The following TMED9 variants were observed in gnomAD, a reference collection of about 807,000 sequenced individuals.
The protein encoded by TMED9 is transmembrane p24 trafficking protein 9.
A neutral mutation model predicts 30.6 loss-of-function variants in TMED9; 22 were observed. The observed-to-expected ratio is 0.72, with a 90% CI of 0.51 to 1.03. TMED9 has a LOEUF of 1.03. Among genes scored for constraint, TMED9 ranks in the 50% least tolerant of loss-of-function variants. TMED9 has a pLI of 0.00. For synonymous variants in TMED9, 146 were observed against 122.8 expected, an observed-to-expected ratio of 1.19 and a Z score of -1.25; for missense variants, 251 against 302.1, an observed-to-expected ratio of 0.83 and a Z score of 1.25.
chr5:177,592,224 G>T lies in TMED9; in HGVS notation c.10G>T (p.Glu4Ter). The T allele has an allele frequency of 1.2e-6, 2 of 1,605,266 alleles. No homozygotes were observed. Among genetic ancestry groups the T allele is most frequent in the East Asian group, 2.3e-5 (1 of 44,338 alleles). The change falls in exon 1 of 5, where the codon GAG becomes TAG. Residue 4 changes from glutamate to a stop codon, truncating the protein, a stop_gained. Coordinates refer to ENST00000332598, the MANE Select transcript of TMED9 (RefSeq NM_017510.6). LOFTEE classifies it high-confidence loss of function. The part of the protein sequence containing the change: MAV[E>*]LGVLLVRPRP... ...AGGCAGGTGGAGCAAGATGGCTGTGGAGCTGGGCGTGCTGCTCGTCCGGCC... is the reference window on the plus strand; with the variant it reads ...AGGCAGGTGGAGCAAGATGGCTGTGTAGCTGGGCGTGCTGCTCGTCCGGCC...
At chr5:177,592,508 C>G in intron 1 of TMED9, 67 bp from the exon 2 acceptor site, 1 of 1,565,270 alleles carries the variant, frequency 6.4e-7, no homozygotes, top group South Asian at 1.2e-5. Flanking sequence ...CTCGCCGTGC[C>G]CAGGCGGTCG....
rs1236244550 is a variant in TMED9 at position 177,595,279 on chromosome 5, C to T, written c.571C>T (p.Arg191Cys). The T allele has an allele frequency of 2.5e-6, 4 of 1,589,540 alleles. No individual in the cohort carries two copies. Among genetic ancestry groups the T allele is most frequent in the East Asian group, 2.3e-5 (1 of 43,768 alleles). The change falls in exon 5 of 5, where the codon CGC (arginine) becomes TGC (cysteine). Residue 191 changes from arginine (R) to cysteine (C), a missense_variant. Around this residue, in one of 2 missense-constraint regions of TMED9, gnomAD observed 153 missense variants for 239.6 expected, o/e 0.64. Coordinates refer to ENST00000332598, the MANE Select transcript of TMED9 (RefSeq NM_017510.6). Reference protein sequence around the residue: ...EQNYQRWREERFRQTSESTNQ... With the variant: ...EQNYQRWREECFRQTSESTNQ... The stretch of plus-strand genomic sequence containing the variant: ...TATTCCCCTGCAGTGGCGAGAGGAG[C>T]GCTTCCGGCAGACCAGTGAGAGCAC...
Position 177,594,160 on chromosome 5 carries a change from GTAGGTGAACATGCCAA to G in TMED9, c.435_450del (p.Gly146ThrfsTer11). 1 of 1,614,208 alleles carries G rather than the reference GTAGGTGAACATGCCAA, an allele frequency of 6.2e-7. No homozygotes were observed. The highest frequency in any genetic ancestry group is 1.1e-5 in the South Asian group (1 of 91,086). On this transcript the variant is annotated frameshift_variant, in exon 4 of 5. Transcript: ENST00000332598. LOFTEE classifies it high-confidence loss of function. ...TCAGAGAGTTCACCTGGACATCCAG[GTAGGTGAACATGCCAA>G]TGACTATGCAGAAATTGCTGCTAAA...
rs999416255 is a variant in TMED9, at chr5:177,596,418, C to T, written c.*1002C>T. Among the ~76,000 whole-genome samples, 3 of 152,118 alleles carry T rather than the reference C, an allele frequency of 2.0e-5. No individual in the cohort carries two copies. Among genetic ancestry groups the T allele is most frequent in the East Asian group, 3.8e-4 (2 of 5,198 alleles). On this transcript the variant is annotated 3_prime_UTR_variant, in exon 5 of 5. Coordinates refer to ENST00000332598, the MANE Select transcript of TMED9 (RefSeq NM_017510.6). ...TTGTCATGGATGCTGCCAGGAAGTGCCTGGTAAGGAGGTGCATTGAGCAGG... is the reference window on the plus strand; with the variant it reads ...TTGTCATGGATGCTGCCAGGAAGTGTCTGGTAAGGAGGTGCATTGAGCAGG...
chr5:177,595,197 C>A (rs1316701756), intron 4 of TMED9, 70 bp from the exon 5 acceptor site: 8 of 1,448,104 alleles, frequency 5.5e-6, no homozygotes, highest in Non-Finnish European at 6.4e-6. Context: ...CCTTGGGCAT[C>A]CTCTTGGTCT....
rs902463246 is a variant in TMED9, at chr5:177,596,417, G to A, written c.*1001G>A. Among the ~76,000 whole-genome samples the A allele has an allele frequency of 3.9e-5, 6 of 152,206 alleles. No homozygotes were observed. Among genetic ancestry groups the A allele is most frequent in the Non-Finnish European group, 7.3e-5 (5 of 68,036 alleles). On this transcript the variant is annotated 3_prime_UTR_variant, in exon 5 of 5. Coordinates refer to ENST00000332598, the MANE Select transcript of TMED9 (RefSeq NM_017510.6). Reference sequence around the variant, plus strand: ...ATTGTCATGGATGCTGCCAGGAAGTGCCTGGTAAGGAGGTGCATTGAGCAG... The same window carrying A: ...ATTGTCATGGATGCTGCCAGGAAGTACCTGGTAAGGAGGTGCATTGAGCAG...
In TMED9 at chr5:177,594,112, T is replaced by G. The variant is rs370442069; in HGVS notation, c.412-27T>G. 13 of 1,613,218 alleles carry G rather than the reference T, an allele frequency of 8.1e-6. No homozygotes were observed. The African/African-American group carries it at 1.7e-4, about 21-fold the overall frequency. On this transcript the variant is annotated intron_variant, in intron 3 of 4. Transcript: ENST00000332598. ...GAAGATGGAGCAGGGCTACCAGATT[T>G]CCCTTATCTCCTTTGTCTGTCCTCA...
Position 177,596,824 on chromosome 5 carries a change from C to A in TMED9, c.*1408C>A, listed in dbSNP as rs1007760955. Among the ~76,000 whole-genome samples the A allele has an allele frequency of 6.6e-6, 1 of 152,164 alleles. No homozygotes were observed. Among genetic ancestry groups the A allele is most frequent in the Non-Finnish European group, 1.5e-5 (1 of 68,022 alleles). On this transcript the variant is annotated 3_prime_UTR_variant, in exon 5 of 5. Transcript: ENST00000332598. Reference sequence around the variant, plus strand: ...GGGGTAAATGCCTGCCCCCCTCCCTCTGGCCTCTGGGCCCTTTGCAGTAAT... The same window carrying A: ...GGGGTAAATGCCTGCCCCCCTCCCTATGGCCTCTGGGCCCTTTGCAGTAAT...
In TMED9 at chr5:177,592,298, G is replaced by T. The variant is rs752772809; in HGVS notation, c.84G>T (p.Val28=). 6.6e-5 allele frequency: 107 copies of T among 1,609,588 alleles called. No homozygotes were observed. Among genetic ancestry groups the T allele is most frequent in the Non-Finnish European group, 8.6e-5 (101 of 1,178,170 alleles). Residue 28 remains valine (V), a synonymous_variant, in exon 1 of 5, where the codon GTG becomes GTT. Coordinates refer to ENST00000332598, the MANE Select transcript of TMED9 (RefSeq NM_017510.6). ...GAGTGATGCGGACCCTCCTGCTGGTGCTGTGGCTGGCGACGCGCGGAAGCG... is the reference window on the plus strand; with the variant it reads ...GAGTGATGCGGACCCTCCTGCTGGTTCTGTGGCTGGCGACGCGCGGAAGCG... ...LGRVMRTLLL[V]LWLATRGSAL...
Position 177,596,351 on chromosome 5 carries a change from C to T in TMED9, c.*935C>T, listed in dbSNP as rs1356045319. On this transcript the variant is annotated 3_prime_UTR_variant, in exon 5 of 5. Transcript: ENST00000332598. ...ATTTACACCCTTTCCTCTGTGCCAG[C>T]TCCCTGGTGAAGTTCCCTCTTTCTA... 6.6e-6 allele frequency among the ~76,000 whole-genome samples: 1 copy of T among 152,206 alleles called. No individual in the cohort carries two copies. The highest frequency in any genetic ancestry group is 1.5e-5 in the Non-Finnish European group (1 of 68,046).
chr5:177,593,600 C>T (rs1561809641), intron 2 of TMED9, 50 bp from the exon 3 acceptor site: 1 of 1,609,852 alleles, frequency 6.2e-7, no homozygotes, highest in East Asian at 2.2e-5. Context: ...TGTTTTCCTC[C>T]ATTCCCATCC....
rs1767697340 is a variant in TMED9, at chr5:177,596,737, C to T, written c.*1321C>T. Among the ~76,000 whole-genome samples, 3 of 152,156 alleles carry T rather than the reference C, an allele frequency of 2.0e-5. No homozygotes were observed. In the South Asian group the frequency reaches 6.2e-4, roughly 32 times the overall value. On this transcript the variant is annotated 3_prime_UTR_variant, in exon 5 of 5. Coordinates refer to ENST00000332598, the MANE Select transcript of TMED9 (RefSeq NM_017510.6). Reference sequence around the variant, plus strand: ...CATGCCCACCTTTCAAGAGGGGCTGCAGGCACCCACAGGCACAAGCTGAAG... The same window carrying T: ...CATGCCCACCTTTCAAGAGGGGCTGTAGGCACCCACAGGCACAAGCTGAAG...
rs1435897878 is a variant in TMED9, at chr5:177,592,509, C to G, written c.185-66C>G. On this transcript the variant is annotated intron_variant, in intron 1 of 4. Coordinates refer to ENST00000332598, the MANE Select transcript of TMED9 (RefSeq NM_017510.6). ...CGGGAGGAGACGGCCTCGCCGTGCC[C>G]AGGCGGTCGCGGAACCCATGCCACC... 4 of 1,564,618 alleles carry G rather than the reference C, an allele frequency of 2.6e-6. No homozygotes were observed. The African/African-American group carries it at 5.4e-5, about 21-fold the overall frequency.
At chr5:177,592,803 T>A in intron 2 of TMED9, 128 bp downstream of exon 2, 1 of 679,712 alleles carries the variant, frequency 1.5e-6, no homozygotes, top group East Asian at 2.8e-5. Context: ...CCTGCTGACT[T>A]GCAGACCCCG....
chr5:177,595,674 T>G lies in TMED9; in HGVS notation c.*258T>G. 6.2e-6 allele frequency: 1 copy of G among 162,386 alleles called. No homozygotes were observed. The highest frequency in any genetic ancestry group is 1.2e-5 in the Non-Finnish European group (1 of 81,378). 10.1% of individuals were successfully genotyped at this position (162,386 alleles called of 1,614,324 possible). A position where few individuals can be genotyped will look rare whatever the true frequency, so the allele number is the denominator to read the frequency against. ...CAAGGGCTGGTAAAGCCCCTCCTCT[T>G]GGCACCTCAGAATCACAGTGTTACT... is the stretch of plus-strand genomic sequence containing the variant. On this transcript the variant is annotated 3_prime_UTR_variant, in exon 5 of 5. Coordinates refer to ENST00000332598, the MANE Select transcript of TMED9 (RefSeq NM_017510.6).
chr5:177,594,475 C>T (rs1269691383), intron 4 of TMED9, among the ~76,000 whole-genome samples, 190 bp downstream of exon 4: 3 of 152,218 alleles, frequency 2.0e-5, no homozygotes, highest in Admixed American at 6.5e-5. Context: ...CTGTCATTGC[C>T]CTAAATCACA....
In TMED9 at chr5:177,592,681, C is replaced by A; in HGVS notation, c.285+6C>A. The A allele has an allele frequency of 6.3e-7, 1 of 1,584,362 alleles. No individual in the cohort carries two copies. Among genetic ancestry groups the A allele is most frequent in the Non-Finnish European group, 8.6e-7 (1 of 1,163,952 alleles). On this transcript the variant is annotated splice_donor_region_variant and intron_variant, in intron 2 of 4. Transcript: ENST00000332598. ...TGAAGGACCCAGAGGACAAGGTGAG[C>A]CAACCGCCCCCCTCCTCTCCGCCAG...
rs1277647589 is a variant in TMED9, at chr5:177,596,402, A to G, written c.*986A>G. Among the ~76,000 whole-genome samples the G allele has an allele frequency of 6.6e-6, 1 of 152,162 alleles. No homozygotes were observed. The highest frequency in any genetic ancestry group is 1.9e-4 in the East Asian group (1 of 5,190). On this transcript the variant is annotated 3_prime_UTR_variant, in exon 5 of 5. Transcript: ENST00000332598. ...GAGTCAGTAAGCAGGATTGTCATGG[A>G]TGCTGCCAGGAAGTGCCTGGTAAGG...
rs1767609249 is a variant in TMED9 at position 177,592,589 on chromosome 5, C to G, written c.199C>G (p.Gln67Glu). 6.2e-7 allele frequency: 1 copy of G among 1,613,368 alleles called. No individual in the cohort carries two copies. Among genetic ancestry groups the G allele is most frequent in the Admixed American group, 1.7e-5 (1 of 59,942 alleles). The change falls in exon 2 of 5, where the codon CAG becomes GAG. Residue 67 changes from glutamine (Q) to glutamate (E), a missense_variant. Physicochemically the swap from Gln to Glu is conservative, Grantham distance 29 (BLOSUM62 2). This residue lies in a region of TMED9 where 153 missense variants were observed against 239.6 expected (regional missense o/e 0.64). Transcript: ENST00000332598. Reference protein sequence around the residue: ...ETMVIGNYRTQLYDKQREEYQ... With the variant: ...ETMVIGNYRTELYDKQREEYQ... ...CTTCCCTCAAGGAAACTACCGGACG[C>G]AGCTGTATGACAAGCAGCGGGAGGA...
Sources: gnomAD v4.1 joint callset for allele counts (sites outside exome capture counted in the v4.1 genomes callset) on GRCh38, gnomAD v4.1.1 for gene constraint, gnomAD v4.1.1 regional missense constraint, MANE v1.5 for transcripts, NCBI Gene and HGNC (gene_info 2026-07-23, HGNC 2026-07-21) for gene names.